ASIP: variants seen among roughly 807,000 people sequenced by gnomAD.
ASIP encodes the protein agouti-signaling protein.
ASIP carries 11 observed loss-of-function variants against 10.3 expected under a neutral mutation model. The observed-to-expected ratio is 1.07, with a 90% CI of 0.68 to 1.78. The LOEUF (loss-of-function observed/expected upper bound fraction) is 1.78. Among genes scored for constraint, ASIP ranks in the 40% most tolerant of loss-of-function variants. The probability of loss-of-function intolerance (pLI) is 0.00; values close to 1 mark genes in which losing one functional copy is unlikely to be tolerated. For synonymous variants in ASIP, 70 were observed against 70.8 expected, an observed-to-expected ratio of 0.99 and a Z score of 0.06; for missense variants, 180 against 169.2, an observed-to-expected ratio of 1.06 and a Z score of -0.35.
rs563740678 is a variant in ASIP, at chr20:34,224,587, A to G, written c.-11+29827A>G. The stretch of plus-strand genomic sequence containing the variant: ...TGTGGGGATGAGTTAAAAAGGGAGG[A>G]GTACCCAGATGCAGGCGTCTAGCAG... On this transcript the variant is annotated intron_variant, in intron 1 of 3. Coordinates refer to the ASIP transcript ENST00000568305. Among the ~76,000 whole-genome samples, 13 of 152,310 alleles carry G rather than the reference A, an allele frequency of 8.5e-5. 2 individuals carry two copies. In the South Asian group the frequency reaches 2.7e-3, roughly 32 times the overall value.
rs147074537 is a variant in ASIP, at chr20:34,207,767, CATTTATTT to C, written c.-11+13040_-11+13047del. Among the ~76,000 whole-genome samples, 424 of 149,428 alleles carry C rather than the reference CATTTATTT, an allele frequency of 2.8e-3. 3 individuals carry two copies. Among genetic ancestry groups the C allele is most frequent in the African/African-American group, 7.0e-3 (284 of 40,538 alleles). On this transcript the variant is annotated intron_variant, in intron 1 of 3. Transcript: ENST00000568305. ...TATGGATATCCAGTTTTTCCAGCAC[CATTTATTT>C]ATTTATTTATTTATTTATTTATTTA...
chr20:34,213,980 T>A, intron 1 of ASIP: 1 of 1,579,006 alleles, frequency 6.3e-7, no homozygotes, highest in South Asian at 1.2e-5. Flanking sequence ...AACAGAATTT[T>A]AAACTTCTCC....
intron 1 of ASIP, among the ~76,000 whole-genome samples, chr20:34,210,121 A>T (rs1281339954): frequency 3.9e-5 from 6 of 152,118 alleles, no homozygotes; most frequent in Non-Finnish European, 7.4e-5. Flanking sequence ...TTGTCTGCAC[A>T]CCTCATTCTT....
chr20:34,201,026 TTC>T (rs1253064480), intron 1 of ASIP, among the ~76,000 whole-genome samples: 8 of 92,728 alleles, frequency 8.6e-5, no homozygotes, highest in African/African-American at 3.8e-4. Flanking sequence ...CCTTCTTTCT[TTC>T]TTTCTTTCTT....
intron 3 of ASIP, among the ~76,000 whole-genome samples, chr20:34,265,975 A>G (rs983748406): frequency 6.6e-6 from 1 of 152,050 alleles, no homozygotes; most frequent in Non-Finnish European, 1.5e-5. Flanking sequence ...GAGGGGGGGA[A>G]GTTAAAACAT....
chr20:34,197,790 C>A (rs1169342069), intron 1 of ASIP, among the ~76,000 whole-genome samples: 1 of 152,128 alleles, frequency 6.6e-6, no homozygotes, highest in African/African-American at 2.4e-5. Flanking sequence ...GGCTGTAGTG[C>A]ACCAAGCTCA....
chr20:34,253,262 C>T (rs1310433630), intron 1 of ASIP, among the ~76,000 whole-genome samples: 2 of 151,432 alleles, frequency 1.3e-5, no homozygotes, highest in Non-Finnish European at 1.5e-5. Context: ...TCTGCCACCA[C>T]GCCCGCCTAA....
chr20:34,220,104 A>T (rs900874816), intron 1 of ASIP, among the ~76,000 whole-genome samples: 1 of 151,798 alleles, frequency 6.6e-6, no homozygotes, highest in African/African-American at 2.4e-5. Context: ...AAAAAAAATG[A>T]ACTTTATCTT....
At chr20:34,213,835 G>C (rs1379754270) in intron 1 of ASIP, 1 of 1,531,628 alleles carries the variant, frequency 6.5e-7, no homozygotes, top group African/African-American at 1.4e-5. Flanking sequence ...ATAAACTTCG[G>C]AACAGCCACA....
At chr20:34,234,748 A>T (rs1451552950) in intron 1 of ASIP, 1 of 152,186 alleles carries the variant, frequency 6.6e-6, no homozygotes, top group Admixed American at 6.6e-5. Context: ...CAGGAGGCAG[A>T]GGTTGCAGTG....
chr20:34,241,344 TGTG>T (rs1442497666), upstream of ASIP: 6 of 568,716 alleles, frequency 1.1e-5, no homozygotes, highest in Non-Finnish European at 8.9e-6. Flanking sequence ...GCCTGTGAGA[TGTG>T]GTGAAGTTTG....
intron 1 of ASIP, among the ~76,000 whole-genome samples, chr20:34,252,867 G>A (rs1201462575): frequency 3.3e-5 from 5 of 152,174 alleles, no homozygotes; most frequent in African/African-American, 7.2e-5. Context: ...GGAGAATGGC[G>A]ATGACTTTTA....
chr20:34,239,968 A>G (rs909311589), upstream of ASIP, among the ~76,000 whole-genome samples: 2 of 152,226 alleles, frequency 1.3e-5, no homozygotes, highest in Admixed American at 6.5e-5. Context: ...ATAGCGATGA[A>G]TCTCTAACTT....
At chr20:34,262,418 A>G (rs751504120) in intron 2 of ASIP, among the ~76,000 whole-genome samples, 24 of 152,152 alleles carry the variant, frequency 1.6e-4, no homozygotes, top group Non-Finnish European at 2.9e-4. Flanking sequence ...AAAATAGGAA[A>G]CACAGGTGCA....
At chr20:34,209,046 T>C (rs1376989617) in intron 1 of ASIP, among the ~76,000 whole-genome samples, 1 of 152,254 alleles carries the variant, frequency 6.6e-6, no homozygotes, top group Non-Finnish European at 1.5e-5. Flanking sequence ...GATCATAGTG[T>C]CTGCAACCAA....
intron 1 of ASIP, among the ~76,000 whole-genome samples, chr20:34,195,103 T>C (rs2034846293): frequency 6.6e-6 from 1 of 151,102 alleles, no homozygotes; most frequent in East Asian, 1.9e-4. Flanking sequence ...GCCCATGCCT[T>C]GTAGACAGGC....
chr20:34,197,320 C>G (rs2034864803), intron 1 of ASIP, among the ~76,000 whole-genome samples: 1 of 152,070 alleles, frequency 6.6e-6, no homozygotes, highest in South Asian at 2.1e-4. Context: ...GAGATCGTGC[C>G]ACTGCACTCT....
At chr20:34,261,524 C>T (rs556241593) in intron 2 of ASIP, among the ~76,000 whole-genome samples, 2 of 152,278 alleles carry the variant, frequency 1.3e-5, no homozygotes, top group East Asian at 1.9e-4. Flanking sequence ...GTCCTAGCTA[C>T]TTGGGAGGCT....
At chr20:34,200,077 C>G (rs1044391550) in intron 1 of ASIP, among the ~76,000 whole-genome samples, 1 of 152,146 alleles carries the variant, frequency 6.6e-6, no homozygotes, top group African/African-American at 2.4e-5. Flanking sequence ...AATGTTCAAG[C>G]TTTTCTTTTA....
Sources: allele counts gnomAD v4.1 joint callset (sites outside exome capture counted in the v4.1 genomes callset), GRCh38; gene constraint gnomAD v4.1.1; transcripts MANE v1.5; gene names NCBI Gene and HGNC (gene_info 2026-07-23, HGNC 2026-07-21).